Variants in SCARA5 observed in about 807,000 individuals in gnomAD.
SCARA5 encodes the protein scavenger receptor class A, member 5 (putative).
A neutral mutation model predicts 46.3 loss-of-function variants in SCARA5; 45 were observed. That is an observed-to-expected ratio of 0.97 (90% CI 0.76 to 1.24). The LOEUF is 1.24. SCARA5 is among the 50% of genes most tolerant of loss of function. The pLI is 0.00. For missense variants in SCARA5, 680 were observed against 689.0 expected, an observed-to-expected ratio of 0.99 and a Z score of 0.15; for synonymous variants, 333 against 306.5, an observed-to-expected ratio of 1.09 and a Z score of -0.90.
At chr8:27,928,847 G>A (rs1807723576) in intron 3 of SCARA5, among the ~76,000 whole-genome samples, 1 of 152,016 alleles carries the variant, frequency 6.6e-6, no homozygotes, top group African/African-American at 2.4e-5. Context: ...TGTATTTTTA[G>A]TAGGGATGGG....
At chr8:27,942,498 TCTCCACCTGCCCTC>T (rs1173014473) in intron 3 of SCARA5, among the ~76,000 whole-genome samples, 2 of 152,080 alleles carry the variant, frequency 1.3e-5, no homozygotes, top group African/African-American at 4.8e-5. Context: ...CCCTTGACCT[TCTCCACCTGCCCTC>T]CTCTGGCCAT....
At chr8:27,884,076 C>A (rs142766618) in intron 7 of SCARA5, among the ~76,000 whole-genome samples, 16 of 152,232 alleles carry the variant, frequency 1.1e-4, no homozygotes, top group African/African-American at 3.4e-4. Context: ...GCAGAGGAAC[C>A]GAGGAAGCCA....
chr8:27,959,253 G>A (rs1293894078), intron 3 of SCARA5, among the ~76,000 whole-genome samples: 1 of 151,984 alleles, frequency 6.6e-6, no homozygotes, highest in African/African-American at 2.4e-5. Context: ...AGAAAAAATA[G>A]TAAGTCTCAT....
intron 1 of SCARA5, among the ~76,000 whole-genome samples, chr8:27,988,880 C>T (rs1487175852): frequency 6.6e-6 from 1 of 152,104 alleles, no homozygotes; most frequent in African/African-American, 2.4e-5. Context: ...GGAGCAAACT[C>T]AACCCTTCAA....
chr8:27,927,329 G>A (rs1291919871), intron 3 of SCARA5, among the ~76,000 whole-genome samples: 1 of 152,174 alleles, frequency 6.6e-6, no homozygotes, highest in Non-Finnish European at 1.5e-5. Context: ...CCTTCCCAGA[G>A]AGTTCATTTG....
chr8:27,961,644 T>C (rs1335213757), intron 3 of SCARA5, among the ~76,000 whole-genome samples: 1 of 152,086 alleles, frequency 6.6e-6, no homozygotes, highest in African/African-American at 2.4e-5. Context: ...GAAGCCAGGG[T>C]TCCAACTCAG....
chr8:27,947,367 G>C (rs1808054563), intron 3 of SCARA5, among the ~76,000 whole-genome samples: 1 of 152,170 alleles, frequency 6.6e-6, no homozygotes, highest in Non-Finnish European at 1.5e-5. Flanking sequence ...AAGAGATTCT[G>C]CTTCTGGGTA....
At chr8:27,907,638 C>T (rs1449598187) in intron 5 of SCARA5, among the ~76,000 whole-genome samples, 1 of 145,184 alleles carries the variant, frequency 6.9e-6, no homozygotes, top group Admixed American at 7.0e-5. Flanking sequence ...GGCACGATCT[C>T]GGCTCACTAC....
At position 27,905,523 on chromosome 8, in the gene SCARA5, T is replaced by TGGCGGGGC. The variant is rs751627046; in HGVS notation, c.1097-690_1097-689insGCCCCGCC. Among the ~76,000 whole-genome samples, 5 of 53,696 alleles carry TGGCGGGGC rather than the reference T, an allele frequency of 9.3e-5. 2 individuals carry two copies. Among genetic ancestry groups the TGGCGGGGC allele is most frequent in the Non-Finnish European group, 2.6e-4 (5 of 19,484 alleles). The allele number at this position is 53,696 out of a possible 152,430, so 35.2% of individuals were successfully genotyped here. The stretch of plus-strand genomic sequence containing the variant: ...AGAATGCCCAGGATGATCCAAGATT[T>TGGCGGGGC]GGGGGGGGGAAAAAAAAAAGGCAGC... On this transcript the variant is annotated intron_variant, in intron 6 of 8. Coordinates refer to ENST00000354914, the MANE Select transcript of SCARA5 (RefSeq NM_173833.6).
Position 27,879,751 on chromosome 8 carries a change from G to C in SCARA5, c.1169C>G (p.Pro390Arg). ...GCCATTCACCAGGCGGATCATCATC[G>C]GGGCCTCCACGCCACCTGCCGGAGC... is the stretch of plus-strand genomic sequence containing the variant. ...RAGDASGVEA[P>R]MMIRLVNGSG... The change falls in exon 8 of 9, where the codon CCG (proline) becomes CGG (arginine). Residue 390 changes from proline to arginine, a missense_variant. By Grantham distance (103) the Pro-to-Arg change is moderately radical. Coordinates refer to ENST00000354914, the MANE Select transcript of SCARA5 (RefSeq NM_173833.6). 6.2e-7 allele frequency: 1 copy of C among 1,612,856 alleles called. No homozygotes were observed. Among genetic ancestry groups the C allele is most frequent in the Non-Finnish European group, 8.5e-7 (1 of 1,179,996 alleles).
chr8:27,951,381 C>A (rs1334977131), intron 3 of SCARA5, among the ~76,000 whole-genome samples: 1 of 152,138 alleles, frequency 6.6e-6, no homozygotes, highest in Non-Finnish European at 1.5e-5. Context: ...AAGGTCCAGC[C>A]CAGAAATTCT....
chr8:27,884,539 G>A (rs770957423), intron 7 of SCARA5, among the ~76,000 whole-genome samples: 12 of 152,240 alleles, frequency 7.9e-5, no homozygotes, highest in African/African-American at 1.2e-4. Context: ...AGCAAGTAGG[G>A]CAAGAAGTGG....
At chr8:27,925,560 C>T (rs535071433) in intron 3 of SCARA5, among the ~76,000 whole-genome samples, 58 of 152,276 alleles carry the variant, frequency 3.8e-4, no homozygotes, top group African/African-American at 1.3e-3. Flanking sequence ...CAATACCATT[C>T]AGGACATAGG....
chr8:27,876,582 T>C (rs930991203), intron 8 of SCARA5, among the ~76,000 whole-genome samples: 2 of 152,094 alleles, frequency 1.3e-5, no homozygotes, highest in African/African-American at 4.8e-5. Flanking sequence ...GAAGGATATG[T>C]GTGCAATTGT....
chr8:27,932,098 G>C (rs1313600405), intron 3 of SCARA5, among the ~76,000 whole-genome samples: 1 of 152,046 alleles, frequency 6.6e-6, no homozygotes, highest in African/African-American at 2.4e-5. Context: ...TCCTACCTCA[G>C]ACTGCTTAGT....
At chr8:27,990,316 G>A (rs1808770313) in intron 1 of SCARA5, among the ~76,000 whole-genome samples, 1 of 152,124 alleles carries the variant, frequency 6.6e-6, no homozygotes, top group African/African-American at 2.4e-5. Context: ...ACCTACGCAT[G>A]TTCTGTCTGC....
At chr8:27,875,872 G>C (rs1306060632) in intron 8 of SCARA5, among the ~76,000 whole-genome samples, 2 of 152,176 alleles carry the variant, frequency 1.3e-5, no homozygotes, top group Non-Finnish European at 2.9e-5. Flanking sequence ...ATAGTAGCAT[G>C]TGCCTGTGGT....
chr8:27,906,418 A>G (rs939406620), intron 6 of SCARA5, among the ~76,000 whole-genome samples: 14 of 152,254 alleles, frequency 9.2e-5, no homozygotes, highest in African/African-American at 3.1e-4. Context: ...GGCACTGTAA[A>G]TCTGAGAATT....
rs975931276 is a variant in SCARA5, at chr8:27,884,966, G to A, written c.1154-5200C>T. 5.9e-5 allele frequency among the ~76,000 whole-genome samples: 9 copies of A among 151,912 alleles called. No individual in the cohort carries two copies. In the South Asian group the frequency reaches 6.2e-4, roughly 11 times the overall value. ...AAAGGAGTGGAGAGTGAGGGCAGGC[G>A]CCATCTTGGACAAGTGGAGGAGGGA... On this transcript the variant is annotated intron_variant, in intron 7 of 8. Transcript: ENST00000354914.
Sources: gnomAD v4.1 joint callset for allele counts (sites outside exome capture counted in the v4.1 genomes callset) on GRCh38, gnomAD v4.1.1 for gene constraint, MANE v1.5 for transcripts, NCBI Gene and HGNC (gene_info 2026-07-23, HGNC 2026-07-21) for gene names.